The following DRC1 variants were observed in gnomAD, a reference collection of about 807,000 sequenced individuals.
DRC1 encodes dynein regulatory complex subunit 1.
A neutral mutation model predicts 98.7 loss-of-function variants in DRC1; 74 were observed. The ratio of observed to expected loss-of-function variants is 0.75; its 90% CI spans 0.62 to 0.91. The LOEUF (loss-of-function observed/expected upper bound fraction) is 0.91. DRC1 is among the 40% of genes least tolerant of loss of function. DRC1 has a pLI of 0.00. For synonymous variants in DRC1, 336 were observed against 334.1 expected (o/e 1.01, Z -0.06); for missense variants, 875 against 886.0 (o/e 0.99, Z 0.16).
Position 26,430,886 on chromosome 2 carries a change from C to T in DRC1, c.765+14C>T, listed in dbSNP as rs767123099. 6 of 1,612,560 alleles carry T rather than the reference C, an allele frequency of 3.7e-6. 1 individual carries two copies. The South Asian group carries it at 6.6e-5, about 18-fold the overall frequency. On this transcript the variant is annotated intron_variant, in intron 6 of 16. Coordinates refer to ENST00000288710, the MANE Select transcript of DRC1 (RefSeq NM_145038.5). ...AATGCCAAAGAGGTAAAGGGTGGAG[C>T]CTGTCAAGAGTGATCCGTGGGGTCT...
Position 26,431,400 on chromosome 2 carries a change from G to A in DRC1, c.766-484G>A, listed in dbSNP as rs551562734. Among the ~76,000 whole-genome samples the A allele has an allele frequency of 1.8e-4, 27 of 152,220 alleles. No individual in the cohort carries two copies. The South Asian group carries it at 3.3e-3, about 19-fold the overall frequency. ...ACCCGGGCAGCTTGCTGTGTTTTCC[G>A]TGGGCCCGTCACTTTCCCCTCTGTT... is the stretch of plus-strand genomic sequence containing the variant. On this transcript the variant is annotated intron_variant, in intron 6 of 16. Transcript: ENST00000288710.
intron 1 of DRC1, among the ~76,000 whole-genome samples, chr2:26,404,501 C>T (rs1201516093): frequency 6.6e-6 from 1 of 152,196 alleles, no homozygotes; most frequent in Non-Finnish European, 1.5e-5. Context: ...ACCTGTGGAG[C>T]TTCTGGTAGT....
intron 13 of DRC1, among the ~76,000 whole-genome samples, chr2:26,450,923 CTG>C (rs910973234): frequency 2.8e-4 from 43 of 152,042 alleles, no homozygotes; most frequent in African/African-American, 9.4e-4. Context: ...GTTTCCCTCC[CTG>C]TGTCCATGTG....
intron 3 of DRC1, 34 bp downstream of exon 3, chr2:26,421,434 T>C: frequency 6.3e-7 from 1 of 1,590,132 alleles, no homozygotes. Context: ...CTGGTGGACA[T>C]GAAGGTAATC....
At chr2:26,410,086 T>C (rs761775437) in intron 1 of DRC1, among the ~76,000 whole-genome samples, 2 of 150,312 alleles carry the variant, frequency 1.3e-5, no homozygotes, top group Non-Finnish European at 3.0e-5. Context: ...GAAACAAGAA[T>C]AGAATGCTAC....
intron 4 of DRC1, among the ~76,000 whole-genome samples, chr2:26,426,603 G>A (rs760026478): frequency 4.1e-4 from 62 of 151,958 alleles, no homozygotes; most frequent in African/African-American, 1.4e-3. Flanking sequence ...CTGACCTCAG[G>A]TGACCCACCT....
chr2:26,405,559 G>T (rs1232853110), intron 1 of DRC1, among the ~76,000 whole-genome samples: 2 of 148,860 alleles, frequency 1.3e-5, no homozygotes, highest in African/African-American at 4.9e-5. Flanking sequence ...AGCTGTCAAT[G>T]TAAAGAGTTG....
At chr2:26,409,777 GTTTA>G (rs1172856006) in intron 1 of DRC1, among the ~76,000 whole-genome samples, 3 of 152,082 alleles carry the variant, frequency 2.0e-5, no homozygotes, top group African/African-American at 2.4e-5. Context: ...GTAAAACAGT[GTTTA>G]TTTATTTTTA....
At chr2:26,440,974 A>C (rs1178788541) in intron 8 of DRC1, among the ~76,000 whole-genome samples, 2 of 152,242 alleles carry the variant, frequency 1.3e-5, no homozygotes, top group Admixed American at 6.5e-5. Context: ...AATGATGGAC[A>C]TGTAGATTGC....
At position 26,454,627 on chromosome 2, in the gene DRC1, A is replaced by T. The variant is rs749609381; in HGVS notation, c.1920-20A>T. 1.9e-6 allele frequency: 3 copies of T among 1,613,478 alleles called. No individual in the cohort carries two copies. The highest frequency in any genetic ancestry group is 4.5e-5 in the East Asian group (2 of 44,878). On this transcript the variant is annotated intron_variant, in intron 14 of 16. Coordinates refer to ENST00000288710, the MANE Select transcript of DRC1 (RefSeq NM_145038.5). This position sits in a 1 kb window ranked among gnomAD's most constrained non-coding sequence, Gnocchi z 5.2. ...GTAGTACCCAATGGACATGACAATC[A>T]CTGTGCTCTTGGCCTTCAGGGACTC...
At position 26,414,376 on chromosome 2, in the gene DRC1, A is replaced by C; in HGVS notation, c.188A>C (p.Lys63Thr). 6.2e-7 allele frequency: 1 copy of C among 1,613,946 alleles called. No homozygotes were observed. The highest frequency in any genetic ancestry group is 1.1e-5 in the South Asian group (1 of 91,038). The change falls in exon 2 of 17, where the codon AAG becomes ACG. Residue 63 changes from lysine (K) to threonine (T), a missense_variant. By Grantham distance (78) the Lys-to-Thr change is moderately conservative. Coordinates refer to ENST00000288710, the MANE Select transcript of DRC1 (RefSeq NM_145038.5). ...EALGEYLDGK[K>T]ESEEDQSKSY... is the part of the protein sequence containing the mutation. ...CTTGGAGAATATTTAGATGGGAAGA[A>C]GGAGAGTGAGGAGGATCAAAGCAAG...
chr2:26,426,050 C>A (rs555622546), intron 4 of DRC1, among the ~76,000 whole-genome samples: 1 of 152,058 alleles, frequency 6.6e-6, no homozygotes, highest in African/African-American at 2.4e-5. Flanking sequence ...GGTCTTTAAT[C>A]GATTTTGAGT....
chr2:26,456,358 G>C (rs776037882), intron 16 of DRC1, 103 bp from the exon 17 acceptor site: 1 of 1,422,296 alleles, frequency 7.0e-7, no homozygotes, highest in Non-Finnish European at 9.8e-7. Context: ...GGAGATGCGT[G>C]CAGGGCTTTG....
At chr2:26,403,731 G>T (rs561496528) in intron 1 of DRC1, among the ~76,000 whole-genome samples, 1 of 143,832 alleles carries the variant, frequency 7.0e-6, no homozygotes, top group South Asian at 2.2e-4. Context: ...GGAGGCAGAG[G>T]TTGCAGTGAG....
rs773063930 is a variant in DRC1 at position 26,440,363 on chromosome 2, T to A, written c.889-15T>A. 20 of 1,589,760 alleles carry A rather than the reference T, an allele frequency of 1.3e-5. No individual in the cohort carries two copies. The highest frequency in any genetic ancestry group is 2.7e-5 in the African/African-American group (2 of 73,056). ...TGTGTGTGTATATATATATATATAG[T>A]TTTTTTAACTTTAGATTCTTGAGCA... On this transcript the variant is annotated splice_polypyrimidine_tract_variant and intron_variant, in intron 7 of 16. Coordinates refer to ENST00000288710, the MANE Select transcript of DRC1 (RefSeq NM_145038.5).
chr2:26,447,149 T>C (rs1221738857), intron 10 of DRC1, among the ~76,000 whole-genome samples: 2 of 151,792 alleles, frequency 1.3e-5, no homozygotes, highest in African/African-American at 4.8e-5. Context: ...GTGCGGTGGC[T>C]CATGCCTGTC....
At position 26,426,624 on chromosome 2, in the gene DRC1, C is replaced by T. The variant is rs189751196; in HGVS notation, c.540+2170C>T. On this transcript the variant is annotated intron_variant, in intron 4 of 16. Coordinates refer to ENST00000288710, the MANE Select transcript of DRC1 (RefSeq NM_145038.5). ...TCAGGTGACCCACCTACCTCAGCCTCCCAAAATGCTGGGATTACAGATAGG... is the reference window on the plus strand; with the variant it reads ...TCAGGTGACCCACCTACCTCAGCCTTCCAAAATGCTGGGATTACAGATAGG... Among the ~76,000 whole-genome samples, 203 of 152,226 alleles carry T rather than the reference C, an allele frequency of 1.3e-3. 1 individual carries two copies. Among genetic ancestry groups the T allele is most frequent in the African/African-American group, 4.6e-3 (192 of 41,532 alleles).
At chr2:26,442,631 C>G (rs1404203359) in intron 8 of DRC1, among the ~76,000 whole-genome samples, 5 of 152,124 alleles carry the variant, frequency 3.3e-5, no homozygotes, top group Non-Finnish European at 7.3e-5. Context: ...TGATGACTGC[C>G]AACCTCATAT....
intron 15 of DRC1, 98 bp from the exon 16 acceptor site, chr2:26,455,033 C>T (rs1664106107): frequency 2.1e-6 from 3 of 1,450,918 alleles, no homozygotes; most frequent in Non-Finnish European, 2.9e-6. Context: ...TGGAGTCTCC[C>T]TCCACCTGTA....
Sources: gnomAD v4.1 joint callset for allele counts (sites outside exome capture counted in the v4.1 genomes callset) on GRCh38, gnomAD v4.1.1 for gene constraint, Gnocchi (gnomAD v3.1) non-coding constraint, MANE v1.5 for transcripts, NCBI Gene and HGNC (gene_info 2026-07-23, HGNC 2026-07-21) for gene names.